Variants in PDLIM1 observed in about 807,000 individuals in gnomAD.
PDLIM1 encodes PDZ and LIM domain 1, also known as PDZ and LIM domain protein 1.
A neutral mutation model predicts 35.2 loss-of-function variants in PDLIM1; 25 were observed. That is an observed-to-expected ratio of 0.71 (90% CI 0.52 to 0.99). The LOEUF (loss-of-function observed/expected upper bound fraction) is 0.99, where lower values mean the gene tolerates loss of function less well. PDLIM1 is among the 50% of genes least tolerant of loss of function. The pLI, the probability that PDLIM1 is intolerant of heterozygous loss-of-function variation, is 0.00. For synonymous variants in PDLIM1, 152 were observed against 154.0 expected (o/e 0.99, Z 0.10); for missense variants, 363 against 415.3 (o/e 0.87, Z 1.09).
intron 4 of PDLIM1, among the ~76,000 whole-genome samples, chr10:95,248,012 C>A (rs1293955609): frequency 6.6e-6 from 1 of 152,250 alleles, no homozygotes; most frequent in Admixed American, 6.5e-5. Flanking sequence ...GTCTTCCCCA[C>A]CTTCCTCCTG....
chr10:95,245,577 AT>A (rs1201381424), intron 5 of PDLIM1, among the ~76,000 whole-genome samples: 1 of 152,164 alleles, frequency 6.6e-6, no homozygotes, highest in Admixed American at 6.5e-5. Flanking sequence ...GGTTTCTCAC[AT>A]GTTTTTACAA....
intron 4 of PDLIM1, among the ~76,000 whole-genome samples, chr10:95,262,851 A>G (rs1236461569): frequency 6.6e-6 from 1 of 152,202 alleles, no homozygotes; most frequent in African/African-American, 2.4e-5. Context: ...AGGAGACTCC[A>G]ATAAAGACTC....
chr10:95,267,329 TTG>T (rs1564603279), intron 3 of PDLIM1, among the ~76,000 whole-genome samples: 2 of 152,166 alleles, frequency 1.3e-5, no homozygotes, highest in Admixed American at 1.3e-4. Context: ...AAATCATTCC[TTG>T]TGTGTTATAA....
At position 95,237,973 on chromosome 10, in the gene PDLIM1, T is replaced by G. The variant is rs1305644428; in HGVS notation, c.942A>C (p.Arg314=). 6.2e-7 allele frequency: 1 copy of G among 1,614,168 alleles called. No individual in the cohort carries two copies. The highest frequency in any genetic ancestry group is 1.1e-5 in the South Asian group (1 of 91,068). ...CTTCATAACCCTCAGGTGGTGTGAC[T>G]CGCTCCCGGGCATGCTTCTCACAGT... ...QIYCEKHARE[R]VTPPEGYEVV... is the part of the protein sequence containing the mutation. Residue 314 remains arginine (R), a synonymous_variant, in exon 7 of 7, where the codon CGA becomes CGC. Transcript: ENST00000329399.
At chr10:95,249,564 T>A (rs2035250875) in intron 4 of PDLIM1, among the ~76,000 whole-genome samples, 1 of 152,196 alleles carries the variant, frequency 6.6e-6, no homozygotes, top group Non-Finnish European at 1.5e-5. Flanking sequence ...TGGAGCCACT[T>A]TCACAGGTGC....
intron 1 of PDLIM1, among the ~76,000 whole-genome samples, chr10:95,286,356 C>CAA (rs71974459): frequency 0.028 from 4,152 of 146,408 alleles, 86 homozygotes; most frequent in Middle Eastern, 0.049. Context: ...CACCCTGTCT[C>CAA]AAAAAAAAAA....
intron 4 of PDLIM1, among the ~76,000 whole-genome samples, chr10:95,255,117 T>C (rs867057893): frequency 6.6e-6 from 1 of 151,936 alleles, no homozygotes; most frequent in African/African-American, 2.4e-5. Context: ...AACAGACCTA[T>C]AACTAGTAAG....
chr10:95,260,312 C>G (rs554276758), intron 4 of PDLIM1, among the ~76,000 whole-genome samples: 1 of 152,276 alleles, frequency 6.6e-6, no homozygotes, highest in South Asian at 2.1e-4. Flanking sequence ...CTCTATCTAC[C>G]AAGCCTTTAG....
intron 2 of PDLIM1, 77 bp from the exon 3 acceptor site, chr10:95,268,939 C>T (rs1178113445): frequency 6.9e-6 from 7 of 1,018,628 alleles, no homozygotes; most frequent in East Asian, 4.9e-5. Flanking sequence ...TGGAAAAATG[C>T]CCCCTCTTTC....
At chr10:95,247,893 G>GT (rs1279813329) in intron 4 of PDLIM1, among the ~76,000 whole-genome samples, 2 of 152,244 alleles carry the variant, frequency 1.3e-5, no homozygotes, top group East Asian at 3.8e-4. Context: ...TAACACAGAG[G>GT]TAACAGTACT....
chr10:95,247,529 CTG>C (rs2035232398), intron 4 of PDLIM1, 163 bp from the exon 5 acceptor site: 1 of 571,104 alleles, frequency 1.8e-6, no homozygotes, highest in Non-Finnish European at 3.0e-6. Context: ...CACAGTGAAA[CTG>C]AGATGTCTTT....
At chr10:95,262,194 A>G (rs760305591) in intron 4 of PDLIM1, among the ~76,000 whole-genome samples, 16 of 152,026 alleles carry the variant, frequency 1.1e-4, no homozygotes, top group Non-Finnish European at 2.1e-4. Flanking sequence ...CTTTCCAAAC[A>G]TTTAAGTAGT....
intron 4 of PDLIM1, among the ~76,000 whole-genome samples, chr10:95,250,698 C>T (rs939521686): frequency 6.6e-5 from 10 of 152,170 alleles, no homozygotes; most frequent in South Asian, 6.2e-4. Context: ...AAAGTTTTGA[C>T]GGCGTAACAG....
At chr10:95,278,290 A>C (rs1227695423) in intron 1 of PDLIM1, among the ~76,000 whole-genome samples, 2 of 152,240 alleles carry the variant, frequency 1.3e-5, no homozygotes, top group Non-Finnish European at 2.9e-5. Context: ...TTGACATCAG[A>C]AGGCTGTTGC....
At chr10:95,260,453 C>A (rs574031638) in intron 4 of PDLIM1, among the ~76,000 whole-genome samples, 2 of 152,292 alleles carry the variant, frequency 1.3e-5, no homozygotes, top group Admixed American at 1.3e-4. Flanking sequence ...CTGACATTTT[C>A]TTCGCCCACC....
At chr10:95,253,185 A>G (rs2035281078) in intron 4 of PDLIM1, among the ~76,000 whole-genome samples, 1 of 152,184 alleles carries the variant, frequency 6.6e-6, no homozygotes, top group Non-Finnish European at 1.5e-5. Context: ...CAGATTTCTT[A>G]TCAGAATCCA....
intron 3 of PDLIM1, among the ~76,000 whole-genome samples, chr10:95,265,171 TCTC>T (rs1477207468): frequency 2.6e-5 from 4 of 151,840 alleles, no homozygotes; most frequent in Non-Finnish European, 4.4e-5. Flanking sequence ...TCCTTTTTTC[TCTC>T]CTTTTTTGTT....
intron 1 of PDLIM1, among the ~76,000 whole-genome samples, chr10:95,280,418 A>C (rs1275050639): frequency 6.6e-6 from 1 of 152,174 alleles, no homozygotes; most frequent in Non-Finnish European, 1.5e-5. Context: ...GTTGCCTCCT[A>C]GCCCCTTGAT....
Position 95,256,980 on chromosome 10 carries a change from A to AT in PDLIM1, c.533+6883_533+6884insA, listed in dbSNP as rs748756563. Among the ~76,000 whole-genome samples the AT allele has an allele frequency of 2.0e-3, 265 of 135,592 alleles. 1 individual carries two copies. The highest frequency in any genetic ancestry group is 0.018 in the Middle Eastern group (5 of 284). The allele number at this position is 135,592 out of a possible 152,430, so 89.0% of individuals were successfully genotyped here. On this transcript the variant is annotated intron_variant, in intron 4 of 6. Coordinates refer to ENST00000329399, the MANE Select transcript of PDLIM1 (RefSeq NM_020992.4). ...ACAGAATGAGACTTCATCTTAAAAA[A>AT]AAAAAAAAAGAAAGAAAGAAAGAAA...
Sources: allele counts gnomAD v4.1 joint callset (sites outside exome capture counted in the v4.1 genomes callset), GRCh38; gene constraint gnomAD v4.1.1; transcripts MANE v1.5; gene names NCBI Gene and HGNC (gene_info 2026-07-23, HGNC 2026-07-21).